The following CNTNAP2 variants were observed in gnomAD, a reference collection of about 807,000 sequenced individuals.
CNTNAP2 encodes contactin-associated protein-like 2.
CNTNAP2 carries 98 observed loss-of-function variants against 155.2 expected under a neutral mutation model. The observed-to-expected ratio is 0.63, with a 90% CI of 0.54 to 0.75. The LOEUF (loss-of-function observed/expected upper bound fraction) is 0.75. CNTNAP2 is among the 30% of genes least tolerant of loss of function. The probability of loss-of-function intolerance (pLI) is 0.00; values close to 1 mark genes in which losing one functional copy is unlikely to be tolerated. For missense variants in CNTNAP2, 1,727 were observed against 1,688.1 expected (o/e 1.02, Z -0.40); for synonymous variants, 651 against 631.2 (o/e 1.03, Z -0.47).
chr7:146,233,119 T>C (rs968426135), intron 1 of CNTNAP2, among the ~76,000 whole-genome samples: 3 of 152,132 alleles, frequency 2.0e-5, no homozygotes, highest in Admixed American at 6.6e-5. Context: ...TAATAAAGTG[T>C]TCTAAGCACT....
intron 11 of CNTNAP2, among the ~76,000 whole-genome samples, chr7:147,486,650 C>T (rs1798516312): frequency 6.6e-6 from 1 of 151,942 alleles, no homozygotes; most frequent in South Asian, 2.1e-4. Flanking sequence ...ACTAGGAAAA[C>T]ACATATGTGC....
At chr7:147,177,759 A>T (rs4726823) in intron 8 of CNTNAP2, among the ~76,000 whole-genome samples, 55,053 of 151,912 alleles carry the variant, frequency 0.36, 10,865 homozygotes, top group East Asian at 0.56. Flanking sequence ...AAGCCCATTC[A>T]GGGTTGAGGG....
intron 20 of CNTNAP2, among the ~76,000 whole-genome samples, chr7:148,245,224 C>T (rs1399375488): frequency 6.6e-6 from 1 of 152,178 alleles, no homozygotes; most frequent in Non-Finnish European, 1.5e-5. Flanking sequence ...TGCAAGCCCA[C>T]AGACCTCTGG....
intron 1 of CNTNAP2, among the ~76,000 whole-genome samples, chr7:146,224,770 A>AAAAC (rs1019440713): frequency 1.3e-5 from 2 of 152,146 alleles, no homozygotes; most frequent in Non-Finnish European, 2.9e-5. Flanking sequence ...CTCCGTCTCA[A>AAAAC]AAACAAACAA....
intron 11 of CNTNAP2, among the ~76,000 whole-genome samples, chr7:147,498,546 T>C (rs1375383408): frequency 6.6e-6 from 1 of 152,222 alleles, no homozygotes; most frequent in Admixed American, 6.5e-5. Flanking sequence ...TACAGAATGA[T>C]GCATAGGGCA....
chr7:148,164,001 C>T (rs1455749175), intron 17 of CNTNAP2, among the ~76,000 whole-genome samples: 1 of 152,230 alleles, frequency 6.6e-6, no homozygotes, highest in Non-Finnish European at 1.5e-5. Flanking sequence ...GTGGCACAAT[C>T]TCGGCTCACT....
chr7:146,253,170 C>T (rs1326508594), intron 1 of CNTNAP2, among the ~76,000 whole-genome samples: 1 of 152,208 alleles, frequency 6.6e-6, no homozygotes, highest in Non-Finnish European at 1.5e-5. Context: ...TTGCTAAGTA[C>T]AGACACACAG....
At chr7:146,582,177 C>G (rs1798621543) in intron 1 of CNTNAP2, among the ~76,000 whole-genome samples, 1 of 152,078 alleles carries the variant, frequency 6.6e-6, no homozygotes, top group Non-Finnish European at 1.5e-5. Context: ...TGGGTGACTT[C>G]AAGAAAAGGT....
In CNTNAP2 at chr7:147,317,812, A is replaced by ATGTG. The variant is rs377553746; in HGVS notation, c.1498+17535_1498+17538dup. Among the ~76,000 whole-genome samples, 36 of 147,948 alleles carry ATGTG rather than the reference A, an allele frequency of 2.4e-4. No homozygotes were observed. In the East Asian group the frequency reaches 4.0e-3, roughly 16 times the overall value. On this transcript the variant is annotated intron_variant, in intron 9 of 23. Coordinates refer to ENST00000361727, the MANE Select transcript of CNTNAP2 (RefSeq NM_014141.6). ...TGTGTGTGTGTGTATATGTATATAT[A>ATGTG]TGTGTGTGTGTGTGTGCGTGTATAT...
chr7:147,028,532 G>C (rs755373381), intron 3 of CNTNAP2, among the ~76,000 whole-genome samples: 2 of 152,190 alleles, frequency 1.3e-5, no homozygotes, highest in South Asian at 4.1e-4. Flanking sequence ...GAACAAGGGA[G>C]AATAGAGTTA....
chr7:147,387,534 T>C (rs1796643764), intron 9 of CNTNAP2, among the ~76,000 whole-genome samples: 1 of 152,168 alleles, frequency 6.6e-6, no homozygotes, highest in Non-Finnish European at 1.5e-5. Context: ...ATCTGCCTGG[T>C]TTCTCCAATG....
At chr7:147,559,866 A>C (rs796803800) in intron 11 of CNTNAP2, among the ~76,000 whole-genome samples, 4 of 35,282 alleles carry the variant, frequency 1.1e-4, no homozygotes, top group African/African-American at 3.6e-4. Context: ...TGCCGATCTT[A>C]AAAAAAAAAA....
chr7:147,865,042 A>T (rs1308030329), intron 13 of CNTNAP2, among the ~76,000 whole-genome samples: 1 of 152,218 alleles, frequency 6.6e-6, no homozygotes, highest in South Asian at 2.1e-4. Flanking sequence ...TTGCCCATTC[A>T]GTATGATATT....
intron 16 of CNTNAP2, among the ~76,000 whole-genome samples, chr7:148,122,213 C>A (rs1267198375): frequency 6.6e-6 from 1 of 152,136 alleles, no homozygotes; most frequent in African/African-American, 2.4e-5. Context: ...CAGGAAGTGG[C>A]AGAGCTGGTG....
chr7:148,283,255 A>AGAAAAGAAAAGAAAAGAAAGAAAG, intron 21 of CNTNAP2, among the ~76,000 whole-genome samples: 2 of 63,634 alleles, frequency 3.1e-5, no homozygotes, highest in East Asian at 1.2e-3. Flanking sequence ...AAAAAAAAAA[A>AGAAAAGAAAAGAAAAGAAAGAAAG]AAAGAAAGAA....
At chr7:147,300,014 G>T in intron 8 of CNTNAP2, 127 bp from the exon 9 acceptor site, 2 of 983,410 alleles carry the variant, frequency 2.0e-6, no homozygotes, top group South Asian at 3.1e-5. Flanking sequence ...AGTTTGAATT[G>T]TAAGCAGCAC....
chr7:147,750,820 C>T (rs990924868), intron 13 of CNTNAP2, among the ~76,000 whole-genome samples: 3 of 152,174 alleles, frequency 2.0e-5, no homozygotes, highest in Non-Finnish European at 2.9e-5. Context: ...GGGTAGATCA[C>T]GAGGTCAGGA....
At chr7:148,402,592 T>C (rs1410595478) in intron 22 of CNTNAP2, among the ~76,000 whole-genome samples, 4 of 152,188 alleles carry the variant, frequency 2.6e-5, no homozygotes, top group Non-Finnish European at 5.9e-5. Context: ...AGAAAAACAA[T>C]CATTTTCTGC....
At chr7:146,680,978 A>G in intron 1 of CNTNAP2, among the ~76,000 whole-genome samples, 1 of 152,140 alleles carries the variant, frequency 6.6e-6, no homozygotes, top group Non-Finnish European at 1.5e-5. Flanking sequence ...TGAATACTAA[A>G]AAAAGGTTAA....
Sources: allele counts gnomAD v4.1 joint callset (sites outside exome capture counted in the v4.1 genomes callset), GRCh38; gene constraint gnomAD v4.1.1; transcripts MANE v1.5; gene names NCBI Gene and HGNC (gene_info 2026-07-23, HGNC 2026-07-21).